Variants in SPATS2L observed in about 807,000 individuals in gnomAD.
SPATS2L encodes spermatogenesis associated serine rich 2 like.
SPATS2L carries 30 observed loss-of-function variants against 59.6 expected under a neutral mutation model. The observed-to-expected ratio is 0.50, with a 90% CI of 0.38 to 0.68. The LOEUF (loss-of-function observed/expected upper bound fraction) is 0.68, where lower values mean the gene tolerates loss of function less well. SPATS2L is among the 30% of genes least tolerant of loss of function. The pLI, the probability that SPATS2L is intolerant of heterozygous loss-of-function variation, is 0.00. For synonymous variants in SPATS2L, 252 were observed against 263.5 expected (o/e 0.96, Z 0.42); for missense variants, 615 against 700.0 (o/e 0.88, Z 1.37).
chr2:200,404,702 A>G (rs1032987093), intron 3 of SPATS2L, among the ~76,000 whole-genome samples: 19 of 152,182 alleles, frequency 1.2e-4, no homozygotes, highest in Admixed American at 3.3e-4. Context: ...AACAACACAC[A>G]TTGATTATCT....
At chr2:200,382,161 A>G (rs2081836724) in intron 2 of SPATS2L, among the ~76,000 whole-genome samples, 1 of 152,124 alleles carries the variant, frequency 6.6e-6, no homozygotes, top group Non-Finnish European at 1.5e-5. Flanking sequence ...ACCGGGTTCA[A>G]GCAATTCTCC....
At chr2:200,306,960 GA>G in intron 1 of SPATS2L, 38 bp downstream of exon 1, 2 of 983,104 alleles carry the variant, frequency 2.0e-6, no homozygotes, top group Non-Finnish European at 2.4e-6. Context: ...GCCGGCTGGG[GA>G]TGCAGGGCGC....
chr2:200,347,920 ATATCT>A (rs373941267), intron 2 of SPATS2L, among the ~76,000 whole-genome samples: 316 of 152,326 alleles, frequency 2.1e-3, no homozygotes, highest in Non-Finnish European at 3.5e-3. Flanking sequence ...TTCCTGAGTA[ATATCT>A]TATAATAAGT....
In SPATS2L at chr2:200,477,851, C is replaced by T. The variant is rs557026901; in HGVS notation, c.1497C>T (p.Pro499=). The change falls in exon 13 of 13, where the codon CCC becomes CCT. Residue 499 remains proline, a synonymous_variant. Transcript: ENST00000409140. ...AGGCTTCCTTGGGGATGAAGACCCC[C>T]GAGGCCCCGGCCCATTCTGAAAAGC... ...NQEASLGMKT[P]EAPAHSEKPR... 1.1e-4 allele frequency: 177 copies of T among 1,588,408 alleles called. 1 individual carries two copies. In the East Asian group the frequency reaches 3.7e-3, roughly 33 times the overall value.
At chr2:200,379,951 T>C (rs772437769) in intron 2 of SPATS2L, among the ~76,000 whole-genome samples, 2 of 152,098 alleles carry the variant, frequency 1.3e-5, no homozygotes, top group African/African-American at 2.4e-5. Flanking sequence ...CACATCTCTA[T>C]GGAAACACAT....
intron 11 of SPATS2L, among the ~76,000 whole-genome samples, chr2:200,472,435 G>A (rs1284070031): frequency 4.6e-5 from 7 of 152,228 alleles, no homozygotes; most frequent in Non-Finnish European, 1.0e-4. Flanking sequence ...GATCAGGGAA[G>A]TGAGAACAGG....
At chr2:200,362,466 A>G (rs295127) in intron 2 of SPATS2L, among the ~76,000 whole-genome samples, 140,269 of 152,248 alleles carry the variant, frequency 0.92, 64,827 homozygotes, top group Middle Eastern at 0.97. Context: ...TCCATTTCAA[A>G]TTCTTGTCAC....
chr2:200,311,723 G>A (rs1392306924), intron 1 of SPATS2L, among the ~76,000 whole-genome samples: 1 of 152,138 alleles, frequency 6.6e-6, no homozygotes, highest in Non-Finnish European at 1.5e-5. Flanking sequence ...GCCTTATTTT[G>A]TACAAGGCAC....
intron 12 of SPATS2L, among the ~76,000 whole-genome samples, chr2:200,475,792 A>C (rs2087471314): frequency 6.6e-6 from 1 of 152,196 alleles, no homozygotes; most frequent in African/African-American, 2.4e-5. Flanking sequence ...CAAATGAAGA[A>C]CCTTATATAT....
At position 200,439,141 on chromosome 2, in the gene SPATS2L, A is replaced by G. The variant is rs1262804585; in HGVS notation, c.465A>G (p.Gln155=). The G allele has an allele frequency of 6.2e-7, 1 of 1,613,670 alleles. No homozygotes were observed. The highest frequency in any genetic ancestry group is 1.7e-4 in the Middle Eastern group (1 of 6,056). ...TTACAGAAGGCAACAGACTACTGCA[A>G]CAGAAACTATCCTTAGATGGGAACC... ...RGVTEGNRLL[Q]QKLSLDGNPK... is the part of the protein sequence containing the mutation. Residue 155 remains glutamine, a synonymous_variant, in exon 7 of 13, where the codon CAA becomes CAG. Coordinates refer to ENST00000409140, the MANE Select transcript of SPATS2L (RefSeq NM_001100423.2).
chr2:200,423,217 T>G (rs1380087662), intron 6 of SPATS2L, among the ~76,000 whole-genome samples: 1 of 152,214 alleles, frequency 6.6e-6, no homozygotes, highest in Non-Finnish European at 1.5e-5. Context: ...ACTGTGAATA[T>G]GGGAGGACTA....
chr2:200,410,524 C>T (rs1434915732), intron 3 of SPATS2L, among the ~76,000 whole-genome samples: 1 of 152,152 alleles, frequency 6.6e-6, no homozygotes, highest in African/African-American at 2.4e-5. Context: ...GTTCTGGCTT[C>T]CTCTTGTACT....
chr2:200,440,814 T>A (rs113069017), intron 8 of SPATS2L, 30 bp downstream of exon 8: 13 of 1,609,076 alleles, frequency 8.1e-6, no homozygotes, highest in African/African-American at 4.0e-5. Context: ...AACCATAAAT[T>A]TGTGATGCTT....
intron 5 of SPATS2L, among the ~76,000 whole-genome samples, chr2:200,418,972 A>G (rs1198372922): frequency 2.0e-5 from 3 of 152,176 alleles, no homozygotes; most frequent in Admixed American, 6.5e-5. Context: ...CTCAAATAAT[A>G]TGTCAGCTAT....
rs571650743 is a variant in SPATS2L, at chr2:200,408,767, C to T, written c.40-3544C>T. 7.9e-4 allele frequency among the ~76,000 whole-genome samples: 121 copies of T among 152,346 alleles called. 1 individual carries two copies. The highest frequency in any genetic ancestry group is 2.8e-3 in the African/African-American group (116 of 41,588). On this transcript the variant is annotated intron_variant, in intron 3 of 12. Transcript: ENST00000409140. ...TAGTGCAAGCAAAAGGCCAGCAGGG[C>T]GGGCCTGAGGCGCCATGGGGCAGAG...
intron 9 of SPATS2L, among the ~76,000 whole-genome samples, chr2:200,464,084 C>A (rs1420185816): frequency 6.6e-6 from 1 of 152,208 alleles, no homozygotes; most frequent in African/African-American, 2.4e-5. Context: ...CTAAGCTGTA[C>A]AGAATTGTCT....
intron 7 of SPATS2L, among the ~76,000 whole-genome samples, chr2:200,440,130 A>T (rs1163262804): frequency 2.6e-5 from 4 of 152,218 alleles, no homozygotes. Flanking sequence ...GGGCACCCAT[A>T]GAGCTGCTTT....
At chr2:200,332,584 C>T (rs960177511) in intron 2 of SPATS2L, among the ~76,000 whole-genome samples, 32 of 152,156 alleles carry the variant, frequency 2.1e-4, no homozygotes, top group African/African-American at 7.5e-4. Flanking sequence ...CATTTATTAT[C>T]ATGGCTTAGA....
chr2:200,314,033 GT>G (rs1228939479), intron 1 of SPATS2L, among the ~76,000 whole-genome samples: 1 of 152,022 alleles, frequency 6.6e-6, no homozygotes, highest in Non-Finnish European at 1.5e-5. Flanking sequence ...CATTCTGCAC[GT>G]TTGCCCTGTG....
Sources: allele counts gnomAD v4.1 joint callset (sites outside exome capture counted in the v4.1 genomes callset), GRCh38; gene constraint gnomAD v4.1.1; transcripts MANE v1.5; gene names NCBI Gene and HGNC (gene_info 2026-07-23, HGNC 2026-07-21).